MSRA: variants seen among roughly 807,000 people sequenced by gnomAD.
MSRA encodes the protein mitochondrial peptide methionine sulfoxide reductase.
In MSRA, 54 loss-of-function variants were observed where a neutral mutation model predicts 31.3. The observed-to-expected ratio is 1.73, with a 90% CI of 1.39 to 2.17. The LOEUF (loss-of-function observed/expected upper bound fraction) is 2.17, where lower values mean the gene tolerates loss of function less well. MSRA is among the 30% of genes most tolerant of loss of function. MSRA has a pLI of 0.00. For synonymous variants in MSRA, 169 were observed against 116.5 expected (o/e 1.45, Z -2.90); for missense variants, 507 against 300.9 (o/e 1.69, Z -5.07).
chr8:10,353,395 C>T (rs143421628), intron 5 of MSRA, among the ~76,000 whole-genome samples: 161 of 152,284 alleles, frequency 1.1e-3, no homozygotes, highest in African/African-American at 3.7e-3. Context: ...CCGTCCGTGG[C>T]GTGTACGGAG....
chr8:10,352,164 G>A (rs925466024), intron 5 of MSRA, among the ~76,000 whole-genome samples: 7 of 152,178 alleles, frequency 4.6e-5, no homozygotes, highest in Admixed American at 1.3e-4. Flanking sequence ...GGAACACGTC[G>A]TGAACAGAGT....
At chr8:10,143,828 C>A (rs1802909427) in intron 1 of MSRA, among the ~76,000 whole-genome samples, 1 of 152,306 alleles carries the variant, frequency 6.6e-6, no homozygotes, top group South Asian at 2.1e-4. Context: ...TTAATGTGAC[C>A]TCTAACTCTT....
At chr8:10,148,425 T>A (rs1056657869) in intron 1 of MSRA, among the ~76,000 whole-genome samples, 1 of 151,696 alleles carries the variant, frequency 6.6e-6, no homozygotes, top group African/African-American at 2.4e-5. Flanking sequence ...GGCAGGCAGA[T>A]CACTTGAGGT....
In MSRA at chr8:10,392,921, C is replaced by G. The variant is rs1806848163; in HGVS notation, c.544-35227C>G. ...AAAAAAAAAAAAAAAAATTAGCCGG[C>G]AGTAATGGCGGGCGCCTATAGTCCC... On this transcript the variant is annotated intron_variant, in intron 5 of 5. Transcript: ENST00000317173. Among the ~76,000 whole-genome samples, 4 of 146,578 alleles carry G rather than the reference C, an allele frequency of 2.7e-5. No homozygotes were observed. The South Asian group carries it at 6.5e-4, about 24-fold the overall frequency.
chr8:10,110,574 T>C (rs73664920), intron 1 of MSRA, among the ~76,000 whole-genome samples: 1 of 152,244 alleles, frequency 6.6e-6, no homozygotes, highest in Non-Finnish European at 1.5e-5. Context: ...CTGTACTTTT[T>C]CACAGACTCT....
At chr8:10,233,543 A>G (rs570903858) in intron 2 of MSRA, among the ~76,000 whole-genome samples, 1 of 152,364 alleles carries the variant, frequency 6.6e-6, no homozygotes, top group South Asian at 2.1e-4. Context: ...AAAAATAGCT[A>G]CTGAAATAAT....
chr8:10,341,070 C>G (rs142977821), intron 5 of MSRA, among the ~76,000 whole-genome samples: 1 of 152,196 alleles, frequency 6.6e-6, no homozygotes, highest in African/African-American at 2.4e-5. Flanking sequence ...ATTCCAGACT[C>G]CCACTCAGAC....
intron 5 of MSRA, among the ~76,000 whole-genome samples, chr8:10,401,390 A>G (rs1807453959): frequency 6.6e-6 from 1 of 152,226 alleles, no homozygotes; most frequent in Non-Finnish European, 1.5e-5. Context: ...GGCTATTATC[A>G]AAACAAAACA....
At chr8:10,303,009 G>T (rs746090700) in intron 4 of MSRA, among the ~76,000 whole-genome samples, 2 of 152,230 alleles carry the variant, frequency 1.3e-5, no homozygotes, top group African/African-American at 4.8e-5. Context: ...AATCAGGGTG[G>T]TGACAGCCAG....
chr8:10,250,828 G>T, intron 3 of MSRA: 1 of 223,798 alleles, frequency 4.5e-6, no homozygotes. Flanking sequence ...GTCAAGTTGT[G>T]GTTGGATTCT....
intron 2 of MSRA, among the ~76,000 whole-genome samples, chr8:10,227,799 A>C (rs1003578451): frequency 6.6e-6 from 1 of 152,208 alleles, no homozygotes; most frequent in Non-Finnish European, 1.5e-5. Context: ...GCTAATTGCT[A>C]TATGGTTTCT....
intron 1 of MSRA, among the ~76,000 whole-genome samples, chr8:10,128,980 G>A (rs746272416): frequency 6.6e-6 from 1 of 152,092 alleles, no homozygotes; most frequent in Non-Finnish European, 1.5e-5. Flanking sequence ...AACCCTTTAC[G>A]CTATATAATA....
At chr8:10,362,009 G>C (rs1412261485) in intron 5 of MSRA, among the ~76,000 whole-genome samples, 1 of 151,826 alleles carries the variant, frequency 6.6e-6, no homozygotes, top group Non-Finnish European at 1.5e-5. Flanking sequence ...GTTTCATTTT[G>C]TTTTCGTCTT....
chr8:10,132,625 G>T (rs1265474171), intron 1 of MSRA, among the ~76,000 whole-genome samples: 1 of 152,194 alleles, frequency 6.6e-6, no homozygotes, highest in Admixed American at 6.5e-5. Context: ...AGAGAAAGCA[G>T]GCTGTCCTAT....
chr8:10,165,528 G>C (rs1805050397), intron 1 of MSRA, among the ~76,000 whole-genome samples: 1 of 152,196 alleles, frequency 6.6e-6, no homozygotes, highest in African/African-American at 2.4e-5. Flanking sequence ...GGCTGGGTGG[G>C]GAGAGGGGAC....
At chr8:10,095,982 C>T (rs1458182838) in intron 1 of MSRA, 13 of 1,403,206 alleles carry the variant, frequency 9.3e-6, no homozygotes, top group Non-Finnish European at 1.1e-5. Context: ...AAAGTTTGTT[C>T]ATCAATACAA....
intron 1 of MSRA, among the ~76,000 whole-genome samples, chr8:10,195,131 C>G (rs1807858853): frequency 6.6e-6 from 1 of 152,148 alleles, no homozygotes; most frequent in African/African-American, 2.4e-5. Flanking sequence ...ACTGTTAGGA[C>G]CAGTATTTTT....
chr8:10,260,315 G>A (rs1178976022), intron 3 of MSRA, among the ~76,000 whole-genome samples: 3 of 152,140 alleles, frequency 2.0e-5, no homozygotes, highest in African/African-American at 4.8e-5. Flanking sequence ...CAGTGACAGG[G>A]GCACGGCATC....
chr8:10,166,023 A>C, intron 1 of MSRA, among the ~76,000 whole-genome samples: 1 of 152,164 alleles, frequency 6.6e-6, no homozygotes, highest in African/African-American at 2.4e-5. Flanking sequence ...CCAGTGCACA[A>C]GGTACCCAAG....
Sources: allele counts gnomAD v4.1 joint callset (sites outside exome capture counted in the v4.1 genomes callset), GRCh38; gene constraint gnomAD v4.1.1; transcripts MANE v1.5; gene names NCBI Gene and HGNC (gene_info 2026-07-23, HGNC 2026-07-21).